The following SMAD1 variants were observed in gnomAD, a reference collection of about 807,000 sequenced individuals.
SMAD1 encodes MAD, mothers against decapentaplegic homolog 1.
SMAD1 carries 6 observed loss-of-function variants against 41.6 expected under a neutral mutation model. The observed-to-expected ratio is 0.14, with a 90% CI of 0.08 to 0.28. The LOEUF is 0.28. SMAD1 is among the 10% of genes least tolerant of loss of function. The pLI, the probability that SMAD1 is intolerant of heterozygous loss-of-function variation, is 1.00. For synonymous variants in SMAD1, 206 were observed against 203.2 expected, an observed-to-expected ratio of 1.01 and a Z score of -0.12; for missense variants, 379 against 582.6, an observed-to-expected ratio of 0.65 and a Z score of 3.60.
intron 4 of SMAD1, chr4:145,545,556 T>TGG (rs201443672): frequency 1.2e-5 from 1 of 86,472 alleles, no homozygotes; most frequent in Non-Finnish European, 3.5e-5. Flanking sequence ...CTTGTTTTTT[T>TGG]TTTGTGTGTG....
intron 1 of SMAD1, among the ~76,000 whole-genome samples, chr4:145,506,961 TAGTATAAG>T (rs1729823114): frequency 6.6e-6 from 1 of 152,118 alleles, no homozygotes. Context: ...CCGTGTCGAG[TAGTATAAG>T]AGTATTTTTC....
intron 2 of SMAD1, among the ~76,000 whole-genome samples, chr4:145,527,475 G>A (rs1246973297): frequency 6.6e-6 from 1 of 152,014 alleles, no homozygotes; most frequent in Non-Finnish European, 1.5e-5. Flanking sequence ...CGCCCGCCTC[G>A]GCCTCCCAAA....
chr4:145,487,786 G>A lies in SMAD1; in HGVS notation c.-177+5748G>A, dbSNP rs77342071. On this transcript the variant is annotated intron_variant, in intron 1 of 6. Transcript: ENST00000302085. ...CAGGGCTAGTCCTATATGCAAAACA[G>A]TAATGTCTGTAGCTATTGCGGGCTG... is the stretch of plus-strand genomic sequence containing the variant. Among the ~76,000 whole-genome samples, 451 of 152,332 alleles carry A rather than the reference G, an allele frequency of 3.0e-3. 9 individuals carry two copies. In the East Asian group the frequency reaches 0.032, roughly 11 times the overall value.
chr4:145,500,402 C>T (rs1339825206), intron 1 of SMAD1, among the ~76,000 whole-genome samples: 2 of 152,136 alleles, frequency 1.3e-5, no homozygotes, highest in Admixed American at 6.6e-5. Context: ...TCCATTCCAG[C>T]CTCAGTGAGG....
At chr4:145,492,611 G>A (rs1452375898) in intron 1 of SMAD1, among the ~76,000 whole-genome samples, 1 of 152,182 alleles carries the variant, frequency 6.6e-6, no homozygotes, top group East Asian at 1.9e-4. Context: ...TTATAGGCAT[G>A]ATTGATTATA....
upstream of SMAD1, chr4:145,481,056 T>A (rs1728153064): frequency 6.6e-6 from 1 of 152,148 alleles, no homozygotes; most frequent in Non-Finnish European, 1.5e-5. Flanking sequence ...AAGTTGACTC[T>A]TGCAAGAAGA....
At chr4:145,554,998 CTT>C (rs1402147210) in intron 6 of SMAD1, among the ~76,000 whole-genome samples, 1 of 152,114 alleles carries the variant, frequency 6.6e-6, no homozygotes, top group Non-Finnish European at 1.5e-5. Flanking sequence ...TCAAAGATAT[CTT>C]TTCCTGAATA....
chr4:145,495,685 A>G (rs1318763941), intron 1 of SMAD1, among the ~76,000 whole-genome samples: 1 of 148,182 alleles, frequency 6.7e-6, no homozygotes, highest in Non-Finnish European at 1.5e-5. Context: ...TGGTGATCAC[A>G]GCTGATTGTA....
In SMAD1 at chr4:145,482,224, C is replaced by CT. The variant is rs1491557207; in HGVS notation, c.-177+186_-177+187insT. Among the ~76,000 whole-genome samples the CT allele has an allele frequency of 1.6e-5, 1 of 64,264 alleles. No individual in the cohort carries two copies. The highest frequency in any genetic ancestry group is 3.8e-4 in the East Asian group (1 of 2,660). 42.2% of individuals were successfully genotyped at this position (64,264 alleles called of 152,430 possible). ...TCTTTCTGCGCGGGGCGGGCCGCGA[C>CT]CCCCCCCCCCCATGATGGCGCCTCC... On this transcript the variant is annotated intron_variant, in intron 1 of 6. Transcript: ENST00000302085. The surrounding 1 kb of genome is among the most constrained non-coding windows in gnomAD (Gnocchi z 4.2).
intron 2 of SMAD1, among the ~76,000 whole-genome samples, chr4:145,533,475 T>C (rs1731433215): frequency 1.3e-5 from 2 of 151,986 alleles, no homozygotes; most frequent in Non-Finnish European, 2.9e-5. Flanking sequence ...AGCTTGAGAC[T>C]AGGAGTTTGA....
chr4:145,493,065 G>C (rs1223385495), intron 1 of SMAD1, among the ~76,000 whole-genome samples: 1 of 152,116 alleles, frequency 6.6e-6, no homozygotes, highest in Non-Finnish European at 1.5e-5. Flanking sequence ...GATAAAAAAG[G>C]CTTTTAAATC....
chr4:145,533,923 C>T (rs1435737020), intron 2 of SMAD1, among the ~76,000 whole-genome samples: 1 of 152,036 alleles, frequency 6.6e-6, no homozygotes, highest in Non-Finnish European at 1.5e-5. Flanking sequence ...ATATTGAAGC[C>T]CTAACCCCAA....
chr4:145,510,255 T>C (rs1303039739), intron 1 of SMAD1, among the ~76,000 whole-genome samples: 1 of 152,168 alleles, frequency 6.6e-6, no homozygotes. Flanking sequence ...ATTTTATAGG[T>C]TTTCTTTAGT....
At chr4:145,493,048 A>G (rs1046575455) in intron 1 of SMAD1, among the ~76,000 whole-genome samples, 2 of 152,198 alleles carry the variant, frequency 1.3e-5, no homozygotes, top group African/African-American at 2.4e-5. Context: ...CAAACATTTT[A>G]AAGTTGGATA....
chr4:145,531,881 G>A (rs1482243595), intron 2 of SMAD1, among the ~76,000 whole-genome samples: 4 of 150,472 alleles, frequency 2.7e-5, no homozygotes, highest in Non-Finnish European at 5.9e-5. Context: ...ACTCTCTTGC[G>A]TGTTTAAAAA....
chr4:145,526,481 A>G (rs1731024340), intron 2 of SMAD1, among the ~76,000 whole-genome samples: 1 of 152,238 alleles, frequency 6.6e-6, no homozygotes, highest in East Asian at 1.9e-4. Context: ...CTATTCACAT[A>G]TAACTTACAG....
At chr4:145,554,174 AT>A in intron 6 of SMAD1, 134 bp downstream of exon 6, 1 of 828,830 alleles carries the variant, frequency 1.2e-6, no homozygotes, top group Non-Finnish European at 1.8e-6. Context: ...TTATCTAGGC[AT>A]TTTTAAACTT....
intron 6 of SMAD1, 124 bp downstream of exon 6, chr4:145,554,164 T>C (rs1732712754): frequency 1.1e-6 from 1 of 891,944 alleles, no homozygotes; most frequent in Non-Finnish European, 1.7e-6. Flanking sequence ...AGCTGACTTA[T>C]TATCTAGGCA....
At chr4:145,503,986 A>G (rs889558081) in intron 1 of SMAD1, 3 of 152,072 alleles carry the variant, frequency 2.0e-5, no homozygotes, top group Non-Finnish European at 4.4e-5. Flanking sequence ...TTGGGTAAAT[A>G]ATTATCTTGT....
Sources: allele counts gnomAD v4.1 joint callset (sites outside exome capture counted in the v4.1 genomes callset), GRCh38; gene constraint gnomAD v4.1.1; non-coding constraint Gnocchi (gnomAD v3.1); transcripts MANE v1.5; gene names NCBI Gene and HGNC (gene_info 2026-07-23, HGNC 2026-07-21).